Variants in NEB observed in about 807,000 individuals in gnomAD.
NEB encodes the protein nemaline myopathy type 2.
Under a neutral mutation model 952.2 loss-of-function variants are expected in NEB, and 512 were observed. The observed-to-expected ratio is 0.54, with a 90% confidence interval of 0.50 to 0.58. NEB has a LOEUF of 0.58. Among genes scored for constraint, NEB ranks in the 20% least tolerant of loss-of-function variants. The pLI is 0.00. For synonymous variants in NEB, 2,900 were observed against 3,149.8 expected, an observed-to-expected ratio of 0.92 and a Z score of 2.66; for missense variants, 8,428 against 9,231.1, an observed-to-expected ratio of 0.91 and a Z score of 3.56.
intron 13 of NEB, among the ~76,000 whole-genome samples, chr2:151,704,874 A>G (rs1281418043): frequency 6.6e-6 from 1 of 152,132 alleles, no homozygotes; most frequent in African/African-American, 2.4e-5. Flanking sequence ...CTATTCGGCC[A>G]TCTTGGCTCC....
chr2:151,537,741 A>G (rs2093416113), intron 140 of NEB, 131 bp downstream of exon 140: 1 of 552,272 alleles, frequency 1.8e-6, no homozygotes, highest in Non-Finnish European at 3.0e-6. Context: ...ATTGAGTTTT[A>G]TGATTTAAAC....
chr2:151,560,029 G>A (rs931662013), intron 124 of NEB, among the ~76,000 whole-genome samples: 1 of 152,162 alleles, frequency 6.6e-6, no homozygotes, highest in East Asian at 1.9e-4. Flanking sequence ...TAAAGAGTTA[G>A]AGGATGTATG....
At chr2:151,668,454 G>T (rs2099247233) in intron 39 of NEB, among the ~76,000 whole-genome samples, 1 of 152,044 alleles carries the variant, frequency 6.6e-6, no homozygotes, top group African/African-American at 2.4e-5. Context: ...AAAAACATTG[G>T]AAAGAATGAA....
chr2:151,646,711 G>A (rs559720970), intron 54 of NEB, among the ~76,000 whole-genome samples: 2 of 152,224 alleles, frequency 1.3e-5, no homozygotes, highest in Non-Finnish European at 1.5e-5. Context: ...GTGCAATGGC[G>A]CAATCATGGC....
intron 168 of NEB, among the ~76,000 whole-genome samples, chr2:151,500,082 A>G (rs925678242): frequency 2.0e-5 from 3 of 152,246 alleles, no homozygotes; most frequent in African/African-American, 4.8e-5. Context: ...CCTTTCAATA[A>G]AAGGAATAAT....
At chr2:151,506,843 A>G (rs930531719) in intron 163 of NEB, 66 bp downstream of exon 163, 1 of 1,043,864 alleles carries the variant, frequency 9.6e-7, no homozygotes, top group Non-Finnish European at 1.5e-6. Flanking sequence ...TAAGGCTAGT[A>G]TATTTTTAAA....
At chr2:151,505,853 C>A in intron 164 of NEB, 1 of 532,752 alleles carries the variant, frequency 1.9e-6, no homozygotes, top group Non-Finnish European at 3.4e-6. Flanking sequence ...TCTTTATGCC[C>A]AGCAGGTCGT....
intron 17 of NEB, 55 bp from the exon 18 acceptor site, chr2:151,695,737 T>G: frequency 7.5e-7 from 1 of 1,339,912 alleles, no homozygotes; most frequent in South Asian, 1.2e-5. Context: ...AATACAAAAA[T>G]TCTTGTGTGG....
Position 151,644,471 on chromosome 2 carries a change from A to G in NEB, c.7641T>C (p.Ser2547=). ...KAAKASREIA[S]EYKYKEGFRK... is the part of the protein sequence containing the mutation. ...TCAACAGAGGATAAAATCTTACTTC[A>G]CTGGCAATTTCCCGGGAGGCTTTTG... is the stretch of plus-strand genomic sequence containing the variant. The change falls in exon 56 of 182, where the codon AGT becomes AGC. Residue 2547 remains serine (S), a synonymous_variant. Transcript: ENST00000397345. 3 of 1,609,510 alleles carry G rather than the reference A, an allele frequency of 1.9e-6. No individual in the cohort carries two copies. In the East Asian group the frequency reaches 6.7e-5, roughly 36 times the overall value.
chr2:151,630,328 C>T (rs1052848949), intron 67 of NEB, among the ~76,000 whole-genome samples: 1 of 152,074 alleles, frequency 6.6e-6, no homozygotes, highest in African/African-American at 2.4e-5. Flanking sequence ...TTAACTGAGG[C>T]CTTTTCTGCC....
chr2:151,524,509 C>T lies in NEB; in HGVS notation c.22374+6G>A, dbSNP rs749050869. ...GGGACTGGGGACATTTTCATGACAC[C>T]CTTACCTCACTGGCCTGTTTGGCTG... On this transcript the variant is annotated splice_donor_region_variant and intron_variant, in intron 152 of 181. Coordinates refer to ENST00000397345, the MANE Select transcript of NEB (RefSeq NM_001164508.2). 2.1e-5 allele frequency: 34 copies of T among 1,613,734 alleles called. No individual in the cohort carries two copies. Among genetic ancestry groups the T allele is most frequent in the Non-Finnish European group, 2.8e-5 (33 of 1,179,798 alleles).
In NEB at chr2:151,524,295, C is replaced by G. The variant is rs1486519316; in HGVS notation, c.22479+16G>C. The G allele has an allele frequency of 6.2e-7, 1 of 1,602,588 alleles. No homozygotes were observed. Among genetic ancestry groups the G allele is most frequent in the East Asian group, 2.2e-5 (1 of 44,840 alleles). On this transcript the variant is annotated intron_variant, in intron 153 of 181. Transcript: ENST00000397345. ...TCTCCTCACATGAGAGCCACCAGTG[C>G]ACCCATCTGCATTACCTGGCTGCTC...
chr2:151,577,132 C>A (rs2096896530), intron 105 of NEB, among the ~76,000 whole-genome samples: 1 of 152,212 alleles, frequency 6.6e-6, no homozygotes, highest in African/African-American at 2.4e-5. Context: ...CCAGAATGAT[C>A]TTTTCAAAAT....
chr2:151,650,885 A>C lies in NEB; in HGVS notation c.6916T>G (p.Tyr2306Asp). 1 of 1,602,972 alleles carries C rather than the reference A, an allele frequency of 6.2e-7. No individual in the cohort carries two copies. Among genetic ancestry groups the C allele is most frequent in the Admixed American group, 1.7e-5 (1 of 59,120 alleles). Residue 2306 changes from tyrosine (Y) to aspartate (D), a missense_variant and splice_region_variant, in exon 53 of 182, where the codon TAT becomes GAT. By Grantham distance (160) the Tyr-to-Asp change is radical. This residue lies in a region of NEB where 2,851 missense variants were observed against 2,791.5 expected (regional missense o/e 1.02). Transcript: ENST00000397345. ...TTTCGGTAGCCTTGTTTGTATTTATACTGAAATCAGAGAAAACACAGCTCT... is the reference window on the plus strand; with the variant it reads ...TTTCGGTAGCCTTGTTTGTATTTATCCTGAAATCAGAGAAAACACAGCTCT... ...AKASRDIASD[Y>D]KYKQGYRKQL...
chr2:151,520,269 A>C (rs2081022064), intron 153 of NEB, among the ~76,000 whole-genome samples: 2 of 152,200 alleles, frequency 1.3e-5, no homozygotes, highest in African/African-American at 4.8e-5. Flanking sequence ...TCATTTAAAA[A>C]TTATTAAACT....
intron 114 of NEB, among the ~76,000 whole-genome samples, chr2:151,566,656 G>T (rs944941972): frequency 1.3e-5 from 2 of 152,188 alleles, no homozygotes; most frequent in Non-Finnish European, 2.9e-5. Context: ...CTTTACCAAA[G>T]CTCTGCATGA....
intron 10 of NEB, among the ~76,000 whole-genome samples, chr2:151,713,189 T>A (rs1252779638): frequency 6.6e-6 from 1 of 152,162 alleles, no homozygotes; most frequent in Non-Finnish European, 1.5e-5. Flanking sequence ...AGCTTCATTA[T>A]CTACTTTCAA....
chr2:151,571,258 G>A (rs542647964), intron 107 of NEB, among the ~76,000 whole-genome samples: 24 of 152,164 alleles, frequency 1.6e-4, no homozygotes, highest in African/African-American at 5.5e-4. Flanking sequence ...CACCTGCCTC[G>A]GCCTCCCAAA....
At chr2:151,667,962 T>C in intron 39 of NEB, 51 bp from the exon 40 acceptor site, 2 of 1,394,150 alleles carry the variant, frequency 1.4e-6, no homozygotes, top group East Asian at 2.3e-5. Context: ...AAAAGAGGAA[T>C]GAAACAGAAT....
Sources: allele counts gnomAD v4.1 joint callset (sites outside exome capture counted in the v4.1 genomes callset), GRCh38; gene constraint gnomAD v4.1.1; regional missense constraint gnomAD v4.1.1; transcripts MANE v1.5; gene names NCBI Gene and HGNC (gene_info 2026-07-23, HGNC 2026-07-21).